Variants in CTDSPL observed in about 807,000 individuals in gnomAD.
The protein encoded by CTDSPL is CTD small phosphatase like, also known as CTD small phosphatase-like protein.
Under a neutral mutation model 30.5 loss-of-function variants are expected in CTDSPL, and 8 were observed. The ratio of observed to expected loss-of-function variants is 0.26; its 90% CI spans 0.15 to 0.47. The LOEUF (loss-of-function observed/expected upper bound fraction) is 0.47. CTDSPL is among the 20% of genes least tolerant of loss of function. CTDSPL has a pLI of 0.99. For missense variants in CTDSPL, 248 were observed against 366.1 expected (o/e 0.68, Z 2.63); for synonymous variants, 110 against 137.9 (o/e 0.80, Z 1.42).
intron 3 of CTDSPL, among the ~76,000 whole-genome samples, chr3:37,963,522 G>A (rs999338458): frequency 6.6e-6 from 1 of 152,070 alleles, no homozygotes; most frequent in Admixed American, 6.6e-5. Flanking sequence ...ATTTCCTTTT[G>A]TTTTGTATCA....
intron 1 of CTDSPL, among the ~76,000 whole-genome samples, chr3:37,902,623 CCTT>C (rs1698463941): frequency 2.0e-5 from 3 of 152,170 alleles, no homozygotes; most frequent in South Asian, 4.1e-4. Context: ...TCTTGTTTCT[CCTT>C]CTCTGTCTGT....
At chr3:37,896,546 A>G (rs1698392484) in intron 1 of CTDSPL, among the ~76,000 whole-genome samples, 1 of 151,954 alleles carries the variant, frequency 6.6e-6, no homozygotes, top group Non-Finnish European at 1.5e-5. Context: ...GTTATTTTTA[A>G]TTGTTTTTGA....
rs137914930 is a variant in CTDSPL at position 37,942,284 on chromosome 3, G to A, written c.80-4773G>A. On this transcript the variant is annotated intron_variant, in intron 1 of 7. Transcript: ENST00000273179. ...CGCAGAATCCAGCCTTTGATCCAGC[G>A]TTCCTGGAGAACCCTCACTCATTTA... 1.7e-4 allele frequency among the ~76,000 whole-genome samples: 25 copies of A among 150,578 alleles called. 1 individual carries two copies. The East Asian group carries it at 3.1e-3, about 19-fold the overall frequency.
chr3:37,880,136 G>GATAT lies in CTDSPL; in HGVS notation c.79+17871_79+17874dup, dbSNP rs140994338. Among the ~76,000 whole-genome samples, 6 of 146,382 alleles carry GATAT rather than the reference G, an allele frequency of 4.1e-5. No homozygotes were observed. The East Asian group carries it at 7.9e-4, about 19-fold the overall frequency. ...TAATATTATATATATATAAAAATAAGATATATATATATATATCTTATTTCA... is the reference window on the plus strand; with the variant it reads ...TAATATTATATATATATAAAAATAAGATATATATATATATATATATCTTATTTCA... On this transcript the variant is annotated intron_variant, in intron 1 of 7. Coordinates refer to ENST00000273179, the MANE Select transcript of CTDSPL (RefSeq NM_001008392.2).
rs1698112398 is a variant in CTDSPL at position 37,874,589 on chromosome 3, G to T, written c.79+12311G>T. On this transcript the variant is annotated intron_variant, in intron 1 of 7. Transcript: ENST00000273179. ...TACTAAAAATACAAAAATGAGCTGG[G>T]CGTGGTGGCACGCACTGGTAGTCCC... is the stretch of plus-strand genomic sequence containing the variant. Among the ~76,000 whole-genome samples, 4 of 152,296 alleles carry T rather than the reference G, an allele frequency of 2.6e-5. No individual in the cohort carries two copies. The South Asian group carries it at 8.3e-4, about 32-fold the overall frequency.
chr3:37,908,529 C>T (rs1009862341), intron 1 of CTDSPL, among the ~76,000 whole-genome samples: 1 of 152,070 alleles, frequency 6.6e-6, no homozygotes, highest in Non-Finnish European at 1.5e-5. Context: ...TTAGCCATTC[C>T]CTCTTTGTAT....
intron 7 of CTDSPL, among the ~76,000 whole-genome samples, chr3:37,980,093 G>T (rs964501697): frequency 6.6e-6 from 1 of 152,176 alleles, no homozygotes; most frequent in East Asian, 1.9e-4. Flanking sequence ...AACATGTTTG[G>T]TTTATTCAAA....
intron 1 of CTDSPL, among the ~76,000 whole-genome samples, chr3:37,866,818 G>A (rs2125586599): frequency 6.6e-6 from 1 of 152,298 alleles, no homozygotes; most frequent in Non-Finnish European, 1.5e-5. Flanking sequence ...ATAGCAAAGA[G>A]AAGACTTTTG....
intron 1 of CTDSPL, among the ~76,000 whole-genome samples, chr3:37,884,255 A>C (rs1698240047): frequency 6.6e-6 from 1 of 152,098 alleles, no homozygotes; most frequent in Non-Finnish European, 1.5e-5. Flanking sequence ...GCATATTGAC[A>C]TGGAAAAGTG....
intron 1 of CTDSPL, among the ~76,000 whole-genome samples, chr3:37,933,882 T>G (rs991494167): frequency 6.6e-6 from 1 of 152,228 alleles, no homozygotes; most frequent in African/African-American, 2.4e-5. Flanking sequence ...CAGTCTCATA[T>G]TGATGGACAA....
At chr3:37,865,128 T>C (rs981984151) in intron 1 of CTDSPL, among the ~76,000 whole-genome samples, 5 of 152,248 alleles carry the variant, frequency 3.3e-5, no homozygotes, top group Non-Finnish European at 7.3e-5. Context: ...TGACTGTCAC[T>C]GTCAGCCTGG....
chr3:37,955,841 A>G (rs1699166266), intron 2 of CTDSPL, among the ~76,000 whole-genome samples: 1 of 140,210 alleles, frequency 7.1e-6, no homozygotes, highest in Non-Finnish European at 1.5e-5. Flanking sequence ...TGAACCTAAA[A>G]TAAAAGTTTT....
rs1230240906 is a variant in CTDSPL, at chr3:37,862,542, A to C, written c.79+264A>C. 6.6e-6 allele frequency among the ~76,000 whole-genome samples: 1 copy of C among 152,120 alleles called. No individual in the cohort carries two copies. ...GGAGGTTGTGAGTTTGTGTGCGCGCACGCCCGCAGAGAAGTTGTGAGCCTG... is the reference window on the plus strand; with the variant it reads ...GGAGGTTGTGAGTTTGTGTGCGCGCCCGCCCGCAGAGAAGTTGTGAGCCTG... On this transcript the variant is annotated intron_variant, in intron 1 of 7. Transcript: ENST00000273179. This position sits in a 1 kb window ranked among gnomAD's most constrained non-coding sequence, Gnocchi z 4.3.
chr3:37,907,652 G>T (rs933330995), intron 1 of CTDSPL, among the ~76,000 whole-genome samples: 2 of 152,202 alleles, frequency 1.3e-5, no homozygotes, highest in Non-Finnish European at 2.9e-5. Flanking sequence ...GGAACTGTAC[G>T]TGTATCAGTG....
rs1699414493 is a variant in CTDSPL at position 37,975,470 on chromosome 3, C to T, written c.520-239C>T. Among the ~76,000 whole-genome samples, 1 of 152,266 alleles carries T rather than the reference C, an allele frequency of 6.6e-6. No individual in the cohort carries two copies. Among genetic ancestry groups the T allele is most frequent in the East Asian group, 1.9e-4 (1 of 5,190 alleles). ...AGGGTGGTGGCAATATAAATAGATG[C>T]AAATGGAGTCAGGCTATCTTTGGAG... On this transcript the variant is annotated intron_variant, in intron 6 of 7. Transcript: ENST00000273179. The surrounding 1 kb of genome is among the most constrained non-coding windows in gnomAD (Gnocchi z 4.9).
At chr3:37,869,683 G>A (rs781298323) in intron 1 of CTDSPL, among the ~76,000 whole-genome samples, 1 of 152,042 alleles carries the variant, frequency 6.6e-6, no homozygotes, top group African/African-American at 2.4e-5. Context: ...TCCTTGTCTT[G>A]GTCCCAGTCT....
rs751841541 is a variant in CTDSPL, at chr3:37,982,549, T to G, written c.*1682T>G. ...GGGTCAAAGTAAAATATCTTTGTTT[T>G]GCTTTCATTCACAAAGTAATGAAGC... On this transcript the variant is annotated 3_prime_UTR_variant, in exon 8 of 8. Transcript: ENST00000273179. The G allele has an allele frequency of 1.1e-5, 5 of 456,622 alleles. No homozygotes were observed. The highest frequency in any genetic ancestry group is 4.0e-5 in the African/African-American group (2 of 50,082). 28.3% of individuals were successfully genotyped at this position (456,622 alleles called of 1,614,324 possible). A position where few individuals can be genotyped will look rare whatever the true frequency, so the allele number is the denominator to read the frequency against.
intron 4 of CTDSPL, among the ~76,000 whole-genome samples, chr3:37,965,660 T>G (rs1156562499): frequency 1.3e-5 from 2 of 152,216 alleles, no homozygotes; most frequent in African/African-American, 2.4e-5. Context: ...TAGTCATTCC[T>G]TACAAGTTGT....
At chr3:37,948,235 G>T (rs1168041116) in intron 2 of CTDSPL, among the ~76,000 whole-genome samples, 1 of 151,948 alleles carries the variant, frequency 6.6e-6, no homozygotes, top group African/African-American at 2.4e-5. Flanking sequence ...AGTGAGCCAA[G>T]ATCACGCCAC....
Sources: allele counts gnomAD v4.1 joint callset (sites outside exome capture counted in the v4.1 genomes callset), GRCh38; gene constraint gnomAD v4.1.1; non-coding constraint Gnocchi (gnomAD v3.1); transcripts MANE v1.5; gene names NCBI Gene and HGNC (gene_info 2026-07-23, HGNC 2026-07-21).